MED25: variants seen among roughly 807,000 people sequenced by gnomAD.
The protein encoded by MED25 is mediator complex subunit 25.
MED25 carries 62 observed loss-of-function variants against 89.4 expected under a neutral mutation model. The ratio of observed to expected loss-of-function variants is 0.69; its 90% CI spans 0.57 to 0.86. The LOEUF (loss-of-function observed/expected upper bound fraction) is 0.86. Among genes scored for constraint, MED25 ranks in the 40% least tolerant of loss-of-function variants. The pLI is 0.00. For synonymous variants in MED25, 449 were observed against 427.9 expected (o/e 1.05, Z -0.61); for missense variants, 905 against 1,005.2 (o/e 0.90, Z 1.35).
At chr19:49,827,969 C>T (rs564297832) in intron 3 of MED25, among the ~76,000 whole-genome samples, 4 of 152,116 alleles carry the variant, frequency 2.6e-5, no homozygotes, top group Non-Finnish European at 5.9e-5. Context: ...GTGGCTCACT[C>T]CTGCAATCCC....
Position 49,834,957 on chromosome 19 carries a change from A to G in MED25, c.1483-29A>G. The G allele has an allele frequency of 6.2e-7, 1 of 1,612,640 alleles. No homozygotes were observed. The highest frequency in any genetic ancestry group is 8.5e-7 in the Non-Finnish European group (1 of 1,179,326). Reference sequence around the variant, plus strand: ...CAGGGCTGCCTCTTTCAGGGCCTGAATGGTTCTGAAGAGCTGTTGTCCACC... The same window carrying G: ...CAGGGCTGCCTCTTTCAGGGCCTGAGTGGTTCTGAAGAGCTGTTGTCCACC... On this transcript the variant is annotated intron_variant, in intron 13 of 17. Coordinates refer to ENST00000312865, the MANE Select transcript of MED25 (RefSeq NM_030973.4). This position sits in a 1 kb window ranked among gnomAD's most constrained non-coding sequence, Gnocchi z 4.1.
intron 3 of MED25, among the ~76,000 whole-genome samples, chr19:49,820,112 AG>A (rs2073972035): frequency 6.6e-6 from 1 of 151,710 alleles, no homozygotes; most frequent in Admixed American, 6.6e-5. Context: ...CTGGGATTAT[AG>A]GGGTGAGCCA....
rs377719195 is a variant in MED25, at chr19:49,829,132, G to C, written c.525+42G>C. 2 of 1,572,866 alleles carry C rather than the reference G, an allele frequency of 1.3e-6. No homozygotes were observed. Among genetic ancestry groups the C allele is most frequent in the Admixed American group, 1.8e-5 (1 of 56,876 alleles). On this transcript the variant is annotated intron_variant, in intron 5 of 17. Transcript: ENST00000312865. The surrounding 1 kb of genome is among the most constrained non-coding windows in gnomAD (Gnocchi z 4.6). The stretch of plus-strand genomic sequence containing the variant: ...CTGAGGGACGAGGGTCTGGGGGCCC[G>C]GAGTCTTGGGTCTGAGGCAGGAGGC...
chr19:49,823,736 A>G (rs2073998446), intron 3 of MED25, among the ~76,000 whole-genome samples: 1 of 152,168 alleles, frequency 6.6e-6, no homozygotes, highest in African/African-American at 2.4e-5. Flanking sequence ...AAAAGGTGAC[A>G]CAGAAGCTTC....
chr19:49,824,300 G>A (rs1329680887), intron 3 of MED25, among the ~76,000 whole-genome samples: 1 of 152,162 alleles, frequency 6.6e-6, no homozygotes, highest in African/African-American at 2.4e-5. Flanking sequence ...CCACACCTCT[G>A]GACTGTGAAT....
In MED25 at chr19:49,829,608, CAG is replaced by C. The variant is rs897523317; in HGVS notation, c.526-175_526-174del. On this transcript the variant is annotated intron_variant, in intron 5 of 17. Transcript: ENST00000312865. This position sits in a 1 kb window ranked among gnomAD's most constrained non-coding sequence, Gnocchi z 4.6. ...TAGTCTTACTGACAAAACTAGAACC[CAG>C]AGTCTCCCGGGGCAGGTGATACCTG... Among the ~76,000 whole-genome samples, 10 of 152,158 alleles carry C rather than the reference CAG, an allele frequency of 6.6e-5. No homozygotes were observed. The highest frequency in any genetic ancestry group is 2.4e-4 in the African/African-American group (10 of 41,442).
At chr19:49,827,464 T>G (rs1600321602) in intron 3 of MED25, among the ~76,000 whole-genome samples, 1 of 152,240 alleles carries the variant, frequency 6.6e-6, no homozygotes, top group Non-Finnish European at 1.5e-5. Flanking sequence ...GGAAGGGCCC[T>G]TCTGCCTTTC....
rs748743095 is a variant in MED25 at position 49,818,624 on chromosome 19, T to C, written c.180+8T>C. On this transcript the variant is annotated splice_region_variant and intron_variant, in intron 2 of 17. Coordinates refer to ENST00000312865, the MANE Select transcript of MED25 (RefSeq NM_030973.4). ...ACGGACTTCGGGGGAGACGTGAGTCTAGGGACTCCTGGGCCTGAGGGAGGA... is the reference window on the plus strand; with the variant it reads ...ACGGACTTCGGGGGAGACGTGAGTCCAGGGACTCCTGGGCCTGAGGGAGGA... 6.2e-7 allele frequency: 1 copy of C among 1,612,698 alleles called. No homozygotes were observed. Among genetic ancestry groups the C allele is most frequent in the Non-Finnish European group, 8.5e-7 (1 of 1,179,010 alleles).
In MED25 at chr19:49,818,555, C is replaced by T. The variant is rs762607685; in HGVS notation, c.135-16C>T. ...TTTCTTGCCTGACTCCGACCTTTCACTTCCTACCCTCACAGGTATTTTAAT... is the reference window on the plus strand; with the variant it reads ...TTTCTTGCCTGACTCCGACCTTTCATTTCCTACCCTCACAGGTATTTTAAT... On this transcript the variant is annotated splice_polypyrimidine_tract_variant and intron_variant, in intron 1 of 17. Coordinates refer to ENST00000312865, the MANE Select transcript of MED25 (RefSeq NM_030973.4). 6.2e-6 allele frequency: 10 copies of T among 1,614,130 alleles called. No homozygotes were observed. The African/African-American group carries it at 9.3e-5, about 15-fold the overall frequency.
Position 49,836,175 on chromosome 19 carries a change from G to T in MED25, c.1966-51G>T. 6.3e-7 allele frequency: 1 copy of T among 1,587,764 alleles called. No homozygotes were observed. Among genetic ancestry groups the T allele is most frequent in the Non-Finnish European group, 8.6e-7 (1 of 1,160,398 alleles). ...TCTCTGAGCAGTGTCTGTGTTGAGA[G>T]GTGGGGAGTCTCTACCAGGAGCCTC... On this transcript the variant is annotated intron_variant, in intron 16 of 17. Transcript: ENST00000312865. This position sits in a 1 kb window ranked among gnomAD's most constrained non-coding sequence, Gnocchi z 5.1.
downstream of MED25, chr19:49,839,580 G>A (rs1057385748): frequency 9.9e-5 from 15 of 152,238 alleles, no homozygotes; most frequent in African/African-American, 3.1e-4. Context: ...AAGCCACAGT[G>A]GGTTCCCCTG....
In MED25 at chr19:49,835,236, G is replaced by A; in HGVS notation, c.1674+59G>A. 1 of 1,568,852 alleles carries A rather than the reference G, an allele frequency of 6.4e-7. No individual in the cohort carries two copies. The highest frequency in any genetic ancestry group is 1.7e-5 in the Admixed American group (1 of 59,932). Reference sequence around the variant, plus strand: ...ACCCCCTCCTGCCCGGGCCCCACATGGCCCCCTGGGGTCTCCAGGACCAAG... The same window carrying A: ...ACCCCCTCCTGCCCGGGCCCCACATAGCCCCCTGGGGTCTCCAGGACCAAG... On this transcript the variant is annotated intron_variant, in intron 14 of 17. Transcript: ENST00000312865. The surrounding 1 kb of genome is among the most constrained non-coding windows in gnomAD (Gnocchi z 6.2).
chr19:49,823,536 G>A (rs369307587), intron 3 of MED25, among the ~76,000 whole-genome samples: 1 of 152,178 alleles, frequency 6.6e-6, no homozygotes, highest in African/African-American at 2.4e-5. Context: ...GTATCTCCGT[G>A]TTGTTAGAAG....
chr19:49,825,644 C>T (rs892759751), intron 3 of MED25, among the ~76,000 whole-genome samples: 1 of 151,104 alleles, frequency 6.6e-6, no homozygotes, highest in Non-Finnish European at 1.5e-5. Flanking sequence ...CCAGCCCGAC[C>T]AACATGGAGA....
At chr19:49,827,268 G>C (rs1011323153) in intron 3 of MED25, among the ~76,000 whole-genome samples, 1 of 152,204 alleles carries the variant, frequency 6.6e-6, no homozygotes, top group Middle Eastern at 3.2e-3. Context: ...ATGTGGGACG[G>C]ATGCTGCGAC....
intron 3 of MED25, among the ~76,000 whole-genome samples, chr19:49,821,650 G>A (rs1168521940): frequency 3.3e-5 from 5 of 151,488 alleles, no homozygotes; most frequent in Admixed American, 3.3e-4. Flanking sequence ...AAGTGCTGGA[G>A]TGCTGAAATT....
rs758314245 is a variant in MED25 at position 49,830,869 on chromosome 19, G to A, written c.1083G>A (p.Gln361=). 1.2e-6 allele frequency: 2 copies of A among 1,610,762 alleles called. No homozygotes were observed. The highest frequency in any genetic ancestry group is 4.5e-5 in the East Asian group (2 of 44,854). ...GCTCCGGCCTGGCTCCCACGGCACA[G>A]CCCGGGGCACCGTCCATGGTAGGTG... is the stretch of plus-strand genomic sequence containing the variant. ...APGSGLAPTA[Q]PGAPSMAGTV... is the part of the protein sequence containing the mutation. Residue 361 remains glutamine (Q), a synonymous_variant, in exon 9 of 18, where the codon CAG becomes CAA. Transcript: ENST00000312865. The surrounding 1 kb of genome is among the most constrained non-coding windows in gnomAD (Gnocchi z 4.6).
At chr19:49,838,443 A>G (rs752263821), downstream of MED25, 1 of 389,206 alleles carries the variant, frequency 2.6e-6, no homozygotes, top group South Asian at 1.9e-5. Flanking sequence ...GGTTCGCCAC[A>G]GTCCCCACCA....
In MED25 at chr19:49,829,403, C is replaced by T. The variant is rs775717166; in HGVS notation, c.525+313C>T. Among the ~76,000 whole-genome samples the T allele has an allele frequency of 5.9e-5, 9 of 152,118 alleles. No individual in the cohort carries two copies. The highest frequency in any genetic ancestry group is 1.3e-4 in the Non-Finnish European group (9 of 68,018). ...AAGCAATTCTCATGTTTCAGCCTCC[C>T]GAGTAGCTGGGATTATAGACGCCCG... On this transcript the variant is annotated intron_variant, in intron 5 of 17. Transcript: ENST00000312865. This position sits in a 1 kb window ranked among gnomAD's most constrained non-coding sequence, Gnocchi z 4.6.
Sources: gnomAD v4.1 joint callset for allele counts (sites outside exome capture counted in the v4.1 genomes callset) on GRCh38, gnomAD v4.1.1 for gene constraint, Gnocchi (gnomAD v3.1) non-coding constraint, MANE v1.5 for transcripts, NCBI Gene and HGNC (gene_info 2026-07-23, HGNC 2026-07-21) for gene names.